The following CUX1 variants were observed in gnomAD, a reference collection of about 807,000 sequenced individuals.
The protein encoded by CUX1 is cut like homeobox 1, also known as protein CASP.
A neutral mutation model predicts 158.8 loss-of-function variants in CUX1; 31 were observed. The ratio of observed to expected loss-of-function variants is 0.20; its 90% CI spans 0.15 to 0.26. The LOEUF (loss-of-function observed/expected upper bound fraction) is 0.26. Ranked by LOEUF, CUX1 falls within the 10% of genes least tolerant of loss-of-function variation. The pLI, the probability that CUX1 is intolerant of heterozygous loss-of-function variation, is 1.00. For missense variants in CUX1, 1,589 were observed against 2,014.6 expected (o/e 0.79, Z 4.04); for synonymous variants, 879 against 862.1 (o/e 1.02, Z -0.34).
chr7:102,189,685 T>C, intron 11 of CUX1, 128 bp from the exon 12 acceptor site: 1 of 965,110 alleles, frequency 1.0e-6, no homozygotes, highest in Non-Finnish European at 1.6e-6. Flanking sequence ...CCAGCACCGT[T>C]GACTCCATTC....
chr7:102,182,969 C>G (rs1218869380), intron 11 of CUX1, among the ~76,000 whole-genome samples: 2 of 152,160 alleles, frequency 1.3e-5, no homozygotes, highest in Non-Finnish European at 2.9e-5. Context: ...TGGTCACATG[C>G]GTTAGAATCA....
chr7:102,252,692 C>T lies in CUX1; in HGVS notation c.*3650C>T. ...TGTGAGTTCTGTCCTAGACCTGTGC[C>T]CAACTCACTTCCACCCCAGAGGAGT... On this transcript the variant is annotated 3_prime_UTR_variant, in exon 24 of 24. Coordinates refer to ENST00000292535, the MANE Select transcript of CUX1 (RefSeq NM_181552.4). The T allele has an allele frequency of 1.0e-6, 1 of 985,400 alleles. No homozygotes were observed. The highest frequency in any genetic ancestry group is 1.2e-6 in the Non-Finnish European group (1 of 829,934). 61.0% of individuals were successfully genotyped at this position (985,400 alleles called of 1,614,324 possible). A position where few individuals can be genotyped will look rare whatever the true frequency, so the allele number is the denominator to read the frequency against.
downstream of CUX1, among the ~76,000 whole-genome samples, chr7:102,259,391 C>T (rs957176794): frequency 5.3e-5 from 8 of 152,132 alleles, 1 homozygote; most frequent in Non-Finnish European, 1.0e-4. Flanking sequence ...AGTTCAAGAC[C>T]AGCCTGGCCA....
chr7:102,248,987 TC>T lies in CUX1; in HGVS notation c.4465del (p.His1489ThrfsTer135). ...KKKAANLNSI[I>X]HRLEKAASRE... The stretch of plus-strand genomic sequence containing the variant: ...AAGGCCGCGAACTTGAACAGCATCA[TC>T]CACCGCCTGGAGAAGGCCGCCAGCC... On this transcript the variant is annotated frameshift_variant, in exon 24 of 24. Coordinates refer to ENST00000292535, the MANE Select transcript of CUX1 (RefSeq NM_181552.4). LOFTEE classifies it high-confidence loss of function. The surrounding 1 kb of genome is among the most constrained non-coding windows in gnomAD (Gnocchi z 5.8). 7.0e-7 allele frequency: 1 copy of T among 1,433,622 alleles called. No individual in the cohort carries two copies. 88.8% of individuals were successfully genotyped at this position (1,433,622 alleles called of 1,614,324 possible).
rs564506219 is a variant in CUX1, at chr7:101,863,539, C to T, written c.30+45870C>T. ...CTAATTTTTATATTTTTAGTAGAGA[C>T]GAGGTTTCGCCATGTTGGCCAGGCT... On this transcript the variant is annotated intron_variant, in intron 1 of 23. Transcript: ENST00000292535. Among the ~76,000 whole-genome samples, 6 of 152,166 alleles carry T rather than the reference C, an allele frequency of 3.9e-5. No individual in the cohort carries two copies. The South Asian group carries it at 6.2e-4, about 16-fold the overall frequency.
intron 2 of CUX1, among the ~76,000 whole-genome samples, chr7:101,972,728 T>C (rs1263197751): frequency 2.0e-5 from 3 of 152,104 alleles, no homozygotes; most frequent in African/African-American, 2.4e-5. Flanking sequence ...TGCCTCCTCC[T>C]CCAGGCCAGG....
chr7:102,237,906 AG>A (rs35662402), intron 22 of CUX1, among the ~76,000 whole-genome samples: 87,530 of 151,994 alleles, frequency 0.58, 26,131 homozygotes, highest in East Asian at 0.94. Flanking sequence ...TCCACTGGAC[AG>A]GGGGCCCTTC....
intron 11 of CUX1, among the ~76,000 whole-genome samples, chr7:102,183,428 C>T (rs1793327354): frequency 6.6e-6 from 1 of 152,134 alleles, no homozygotes; most frequent in Non-Finnish European, 1.5e-5. Context: ...GCACCCACCC[C>T]ATTGCTTTGG....
chr7:102,122,413 A>G (rs572271110), intron 8 of CUX1, among the ~76,000 whole-genome samples: 22 of 148,940 alleles, frequency 1.5e-4, no homozygotes, highest in African/African-American at 5.5e-4. Context: ...CCTGTGTCTT[A>G]TCTCCAAAAG....
Position 102,198,791 on chromosome 7 carries a change from T to C in CUX1, c.1895-11T>C. ...GATTGTTTTGTTCTTACCACACTTGTTTTTCAACAGAGAATCCAGGCCAGA... is the reference window on the plus strand; with the variant it reads ...GATTGTTTTGTTCTTACCACACTTGCTTTTCAACAGAGAATCCAGGCCAGA... On this transcript the variant is annotated splice_polypyrimidine_tract_variant and intron_variant, in intron 15 of 23. Coordinates refer to ENST00000292535, the MANE Select transcript of CUX1 (RefSeq NM_181552.4). 6.2e-7 allele frequency: 1 copy of C among 1,613,440 alleles called. No homozygotes were observed. Among genetic ancestry groups the C allele is most frequent in the Non-Finnish European group, 8.5e-7 (1 of 1,179,348 alleles).
chr7:101,899,864 G>C (rs1049194681), intron 1 of CUX1, among the ~76,000 whole-genome samples: 1 of 152,168 alleles, frequency 6.6e-6, no homozygotes, highest in Non-Finnish European at 1.5e-5. Flanking sequence ...TGGAGAGTGT[G>C]GGGAGCTGCC....
intron 1 of CUX1, among the ~76,000 whole-genome samples, chr7:101,848,330 C>G (rs1370943900): frequency 2.0e-5 from 3 of 152,146 alleles, no homozygotes; most frequent in Non-Finnish European, 1.5e-5. Flanking sequence ...CACAAGCCAG[C>G]TTCCTGGGTG....
At chr7:102,197,437 C>T (rs1424885094) in intron 15 of CUX1, 132 bp downstream of exon 15, 5 of 1,087,702 alleles carry the variant, frequency 4.6e-6, no homozygotes, top group South Asian at 1.5e-5. Flanking sequence ...GTTCTCTTTG[C>T]TTCTGCCACG....
intron 2 of CUX1, among the ~76,000 whole-genome samples, chr7:101,929,220 A>C (rs1806014024): frequency 6.6e-6 from 1 of 152,146 alleles, no homozygotes; most frequent in African/African-American, 2.4e-5. Flanking sequence ...ACACTTAAAA[A>C]AATTATTAAA....
At chr7:101,871,663 A>G (rs775879664) in intron 1 of CUX1, among the ~76,000 whole-genome samples, 25 of 152,086 alleles carry the variant, frequency 1.6e-4, no homozygotes, top group Non-Finnish European at 3.2e-4. Flanking sequence ...AGAAGTAAGT[A>G]AGGGTGGTGG....
chr7:102,174,821 G>T (rs1368592556), intron 10 of CUX1, among the ~76,000 whole-genome samples: 3 of 152,208 alleles, frequency 2.0e-5, no homozygotes, highest in African/African-American at 7.2e-5. Context: ...ATGGTGGCAT[G>T]TGCCTGTAAT....
In CUX1 at chr7:102,196,847, CA is replaced by C; in HGVS notation, c.1437del (p.Leu480Ter). 1 of 1,614,198 alleles carries C rather than the reference CA, an allele frequency of 6.2e-7. No homozygotes were observed. ...SLPLASTGKFALNSLLQRQLM... is the reference protein window; with the variant it reads ...SLPLASTGKFXLNSLLQRQLM... ...CCCCTGGCTTCTACAGGAAAATTTG[CA>C]CTAAACTCTCTTCTCCAGCGGCAGC... is the stretch of plus-strand genomic sequence containing the variant. On this transcript the variant is annotated frameshift_variant, in exon 15 of 24. Transcript: ENST00000292535. LOFTEE classifies it high-confidence loss of function.
At chr7:101,969,334 C>CA (rs897439918) in intron 2 of CUX1, among the ~76,000 whole-genome samples, 1 of 53,468 alleles carries the variant, frequency 1.9e-5, no homozygotes, top group South Asian at 6.8e-4. Flanking sequence ...GACCCTGTCT[C>CA]AAAAAACAAA....
chr7:102,023,807 G>T (rs1585314622), intron 2 of CUX1, among the ~76,000 whole-genome samples: 1 of 152,308 alleles, frequency 6.6e-6, no homozygotes, highest in Middle Eastern at 3.4e-3. Context: ...TGAGTATGTA[G>T]TGGTTTTTCC....
Sources: gnomAD v4.1 joint callset for allele counts (sites outside exome capture counted in the v4.1 genomes callset) on GRCh38, gnomAD v4.1.1 for gene constraint, Gnocchi (gnomAD v3.1) non-coding constraint, MANE v1.5 for transcripts, NCBI Gene and HGNC (gene_info 2026-07-23, HGNC 2026-07-21) for gene names.